The following ACSL1 variants were observed in gnomAD, a reference collection of about 807,000 sequenced individuals.
ACSL1 encodes the protein acyl-CoA synthetase long chain family member 1.
A neutral mutation model predicts 98.4 loss-of-function variants in ACSL1; 41 were observed. That is an observed-to-expected ratio of 0.42 (90% CI 0.32 to 0.54). ACSL1 has a LOEUF of 0.54. Ranked by LOEUF, ACSL1 falls within the 20% of genes least tolerant of loss-of-function variation. The probability of loss-of-function intolerance (pLI) is 0.13; values close to 1 mark genes in which losing one functional copy is unlikely to be tolerated. For missense variants in ACSL1, 734 were observed against 883.1 expected, an observed-to-expected ratio of 0.83 and a Z score of 2.14; for synonymous variants, 316 against 322.7, an observed-to-expected ratio of 0.98 and a Z score of 0.22.
chr4:184,786,987 C>T (rs1340438675), intron 3 of ACSL1, among the ~76,000 whole-genome samples: 2 of 152,216 alleles, frequency 1.3e-5, no homozygotes, highest in East Asian at 1.9e-4. Context: ...CCACCATGCC[C>T]GGCCAATAGG....
intron 3 of ACSL1, among the ~76,000 whole-genome samples, chr4:184,787,451 G>C (rs996794501): frequency 6.6e-6 from 1 of 152,202 alleles, no homozygotes; most frequent in Non-Finnish European, 1.5e-5. Flanking sequence ...AGAGGTAGGG[G>C]ATGAAAATGA....
chr4:184,793,364 G>A (rs757649439), intron 2 of ACSL1, among the ~76,000 whole-genome samples: 1 of 152,154 alleles, frequency 6.6e-6, no homozygotes, highest in Non-Finnish European at 1.5e-5. Flanking sequence ...GGAAGGGCAG[G>A]AAAACCGTGA....
intron 2 of ACSL1, among the ~76,000 whole-genome samples, chr4:184,792,440 TA>T (rs1768548812): frequency 6.7e-6 from 1 of 149,426 alleles, no homozygotes; most frequent in South Asian, 2.1e-4. Flanking sequence ...AATAATGAAT[TA>T]TTTTTTTTTC....
At chr4:184,800,406 G>T (rs1215308881) in intron 2 of ACSL1, among the ~76,000 whole-genome samples, 4 of 152,134 alleles carry the variant, frequency 2.6e-5, no homozygotes, top group African/African-American at 9.7e-5. Context: ...ATCCGAAAAG[G>T]TTTCCAGTCA....
intron 10 of ACSL1, among the ~76,000 whole-genome samples, chr4:184,772,237 G>A (rs1324254660): frequency 6.6e-6 from 1 of 152,132 alleles, no homozygotes; most frequent in African/African-American, 2.4e-5. Flanking sequence ...TTTAAAAAGG[G>A]CATTTGGAAA....
chr4:184,825,531 C>A lies in ACSL1; in HGVS notation c.-33+385G>T, dbSNP rs1773406992. Among the ~76,000 whole-genome samples, 1 of 151,690 alleles carries A rather than the reference C, an allele frequency of 6.6e-6. No individual in the cohort carries two copies. Among genetic ancestry groups the A allele is most frequent in the Non-Finnish European group, 1.5e-5 (1 of 67,874 alleles). On this transcript the variant is annotated intron_variant, in intron 1 of 20. Transcript: ENST00000281455. This position sits in a 1 kb window ranked among gnomAD's most constrained non-coding sequence, Gnocchi z 4.7. ...GGGCCGCGGACGAGGGCAACGTCAGCGGCCCAGCTGGGCCACCTCCTCCCA... is the reference window on the plus strand; with the variant it reads ...GGGCCGCGGACGAGGGCAACGTCAGAGGCCCAGCTGGGCCACCTCCTCCCA...
chr4:184,822,536 C>T (rs1224782508), intron 1 of ACSL1, among the ~76,000 whole-genome samples: 4 of 151,988 alleles, frequency 2.6e-5, no homozygotes, highest in Admixed American at 6.6e-5. Flanking sequence ...CCCAGGAGTT[C>T]GAGACAACTG....
chr4:184,783,506 T>C (rs899408243), intron 4 of ACSL1, among the ~76,000 whole-genome samples: 2 of 152,204 alleles, frequency 1.3e-5, no homozygotes, highest in Admixed American at 1.3e-4. Flanking sequence ...TAACCAGCTA[T>C]AACCTTGGGT....
chr4:184,771,411 C>T (rs2150313625), intron 10 of ACSL1, among the ~76,000 whole-genome samples: 1 of 152,168 alleles, frequency 6.6e-6, no homozygotes, highest in African/African-American at 2.4e-5. Flanking sequence ...TTCCAAGGTC[C>T]TTAGAGTATT....
In ACSL1 at chr4:184,821,846, TTTAA is replaced by T. The variant is rs1773091300; in HGVS notation, c.-33+4066_-33+4069del. 2.6e-5 allele frequency among the ~76,000 whole-genome samples: 4 copies of T among 152,324 alleles called. No homozygotes were observed. The South Asian group carries it at 8.3e-4, about 32-fold the overall frequency. The stretch of plus-strand genomic sequence containing the variant: ...AAGTTAAATTGTCAAAATTGTAATC[TTTAA>T]TTAACAATGTATGCTTAAAATTTGT... On this transcript the variant is annotated intron_variant, in intron 1 of 20. Coordinates refer to ENST00000281455, the MANE Select transcript of ACSL1 (RefSeq NM_001995.5).
chr4:184,777,689 T>C (rs1358583866), intron 5 of ACSL1, among the ~76,000 whole-genome samples: 1 of 152,046 alleles, frequency 6.6e-6, no homozygotes, highest in Non-Finnish European at 1.5e-5. Flanking sequence ...AGACAGGGAC[T>C]GACCCAGAGA....
chr4:184,820,180 G>A (rs1268003510), intron 1 of ACSL1, among the ~76,000 whole-genome samples: 2 of 152,132 alleles, frequency 1.3e-5, no homozygotes, highest in African/African-American at 4.8e-5. Context: ...ACCATGCCTG[G>A]CTAATTTTTT....
In ACSL1 at chr4:184,803,444, G is replaced by A. The variant is rs756815819; in HGVS notation, c.71C>T (p.Thr24Ile). Residue 24 changes from threonine to isoleucine, a missense_variant, in exon 2 of 21, where the codon ACT (threonine) becomes ATT (isoleucine). Transcript: ENST00000281455. This position sits in a 1 kb window ranked among gnomAD's most constrained non-coding sequence, Gnocchi z 4.8. ...GCCCATAAGCGTGTTGGTCGGAAGA[G>A]TACGCACGTACTGTCGGAAGTCAAC... ...ELVDFRQYVR[T>I]LPTNTLMGFG... The A allele has an allele frequency of 1.0e-4, 167 of 1,613,566 alleles. No individual in the cohort carries two copies. The highest frequency in any genetic ancestry group is 1.6e-4 in the Middle Eastern group (1 of 6,082).
At chr4:184,763,081 G>A in intron 16 of ACSL1, 86 bp downstream of exon 16, 1 of 1,351,346 alleles carries the variant, frequency 7.4e-7, no homozygotes, top group Non-Finnish European at 1.0e-6. Context: ...GCTTTATTGA[G>A]CTGTTGGGAA....
chr4:184,808,444 A>G, intron 1 of ACSL1: 1 of 985,472 alleles, frequency 1.0e-6, no homozygotes, highest in South Asian at 4.7e-5. Flanking sequence ...AAACAAACCC[A>G]CATAAATGAC....
chr4:184,813,061 T>TCTC (rs1772282142), intron 1 of ACSL1, among the ~76,000 whole-genome samples: 6 of 151,940 alleles, frequency 3.9e-5, no homozygotes, highest in Admixed American at 3.9e-4. Context: ...AACATATAGC[T>TCTC]CTCCTCCCTT....
At chr4:184,777,756 G>A (rs1360666149) in intron 5 of ACSL1, among the ~76,000 whole-genome samples, 1 of 152,016 alleles carries the variant, frequency 6.6e-6, no homozygotes, top group African/African-American at 2.4e-5. Flanking sequence ...GGGTGTAACT[G>A]AGATTGCCTT....
chr4:184,801,659 A>G (rs565415823), intron 2 of ACSL1, among the ~76,000 whole-genome samples: 2 of 152,362 alleles, frequency 1.3e-5, no homozygotes, highest in South Asian at 4.1e-4. Context: ...CTCAGTATCT[A>G]TTTCTAAGCC....
chr4:184,765,670 G>C (rs1425172163), intron 14 of ACSL1, among the ~76,000 whole-genome samples: 2 of 152,202 alleles, frequency 1.3e-5, no homozygotes, highest in African/African-American at 2.4e-5. Context: ...GGAAAAAAAA[G>C]TATGGGTGGT....
Sources: allele counts gnomAD v4.1 joint callset (sites outside exome capture counted in the v4.1 genomes callset), GRCh38; gene constraint gnomAD v4.1.1; non-coding constraint Gnocchi (gnomAD v3.1); transcripts MANE v1.5; gene names NCBI Gene and HGNC (gene_info 2026-07-23, HGNC 2026-07-21).